Variants in FNBP1L observed in about 807,000 individuals in gnomAD.
FNBP1L encodes formin binding protein 1 like, also known as formin-binding protein 1-like.
Under a neutral mutation model 91.2 loss-of-function variants are expected in FNBP1L, and 36 were observed. The ratio of observed to expected loss-of-function variants is 0.39; its 90% CI spans 0.30 to 0.52. The LOEUF is 0.52. Among genes scored for constraint, FNBP1L ranks in the 20% least tolerant of loss-of-function variants. The probability of loss-of-function intolerance (pLI) is 0.66; values close to 1 mark genes in which losing one functional copy is unlikely to be tolerated. For missense variants in FNBP1L, 571 were observed against 732.1 expected (o/e 0.78, Z 2.54); for synonymous variants, 242 against 237.0 (o/e 1.02, Z -0.19).
intron 1 of FNBP1L, among the ~76,000 whole-genome samples, chr1:93,467,700 C>T (rs769512645): frequency 5.9e-5 from 9 of 152,062 alleles, no homozygotes; most frequent in Middle Eastern, 3.4e-3. Context: ...ATTTGAGGCC[C>T]GGAGTTTGAG....
At chr1:93,552,141 A>G in intron 16 of FNBP1L, 2 of 1,201,390 alleles carry the variant, frequency 1.7e-6, no homozygotes, top group Non-Finnish European at 2.1e-6. Flanking sequence ...AGTTTCAGCA[A>G]GCGTTGTTGG....
At chr1:93,460,758 C>T (rs1474625456) in intron 1 of FNBP1L, among the ~76,000 whole-genome samples, 4 of 152,238 alleles carry the variant, frequency 2.6e-5, no homozygotes, top group East Asian at 3.9e-4. Context: ...GCAAAATGGT[C>T]GTAACCAGAG....
chr1:93,454,870 AGGTTATGTG>A (rs1204307903), intron 1 of FNBP1L, among the ~76,000 whole-genome samples: 1 of 152,144 alleles, frequency 6.6e-6, no homozygotes, highest in Non-Finnish European at 1.5e-5. Context: ...CGATGTGTGT[AGGTTATGTG>A]GGTTATGTGC....
At chr1:93,516,941 GT>G (rs1671141928) in intron 2 of FNBP1L, among the ~76,000 whole-genome samples, 1 of 151,826 alleles carries the variant, frequency 6.6e-6, no homozygotes. Context: ...TTAGGTACCT[GT>G]TTTATTATCT....
At chr1:93,453,706 G>T (rs1668568024) in intron 1 of FNBP1L, among the ~76,000 whole-genome samples, 1 of 152,148 alleles carries the variant, frequency 6.6e-6, no homozygotes, top group South Asian at 2.1e-4. Flanking sequence ...GGTAGGAAAG[G>T]TTATGTAAAG....
In FNBP1L at chr1:93,529,648, A is replaced by G; in HGVS notation, c.406-4A>G. On this transcript the variant is annotated splice_polypyrimidine_tract_variant and splice_region_variant and intron_variant, in intron 5 of 16. Coordinates refer to ENST00000271234, the MANE Select transcript of FNBP1L (RefSeq NM_001164473.3). ...TCAGTGTGATATTTTAATTTTTTTA[A>G]CAGAGTAAAAAGAAGTTTGAAAGAG... 6.8e-7 allele frequency: 1 copy of G among 1,463,234 alleles called. No individual in the cohort carries two copies. Among genetic ancestry groups the G allele is most frequent in the South Asian group, 1.4e-5 (1 of 71,238 alleles). 90.6% of individuals were successfully genotyped at this position (1,463,234 alleles called of 1,614,324 possible). A position where few individuals can be genotyped will look rare whatever the true frequency, so the allele number is the denominator to read the frequency against.
At chr1:93,483,096 A>G (rs1669771257) in intron 1 of FNBP1L, among the ~76,000 whole-genome samples, 2 of 149,794 alleles carry the variant, frequency 1.3e-5, no homozygotes, top group Admixed American at 6.7e-5. Context: ...CTCAGGTGAG[A>G]GGACCACTTC....
chr1:93,460,736 C>T (rs919173368), intron 1 of FNBP1L, among the ~76,000 whole-genome samples: 2 of 152,172 alleles, frequency 1.3e-5, no homozygotes, highest in African/African-American at 4.8e-5. Context: ...AAGTTGAACT[C>T]ATAGGAACAG....
chr1:93,521,056 C>G (rs904853265), intron 2 of FNBP1L, among the ~76,000 whole-genome samples: 2 of 151,730 alleles, frequency 1.3e-5, no homozygotes, highest in African/African-American at 4.8e-5. Context: ...AACCAACCAA[C>G]CAACCAACCA....
Position 93,536,291 on chromosome 1 carries a change from C to A in FNBP1L, c.991-41C>A, listed in dbSNP as rs1030888944. On this transcript the variant is annotated intron_variant, in intron 9 of 16. Coordinates refer to ENST00000271234, the MANE Select transcript of FNBP1L (RefSeq NM_001164473.3). Reference sequence around the variant, plus strand: ...AATTTTCATTTAGGAGAAAACTATGCACATTTGGCTTATTGATTCCTTTCT... The same window carrying A: ...AATTTTCATTTAGGAGAAAACTATGAACATTTGGCTTATTGATTCCTTTCT... The A allele has an allele frequency of 6.7e-6, 9 of 1,339,448 alleles. No homozygotes were observed. The African/African-American group carries it at 1.4e-4, about 20-fold the overall frequency. 83.0% of individuals were successfully genotyped at this position (1,339,448 alleles called of 1,614,324 possible).
chr1:93,518,084 C>T (rs1671194260), intron 2 of FNBP1L, among the ~76,000 whole-genome samples: 1 of 152,128 alleles, frequency 6.6e-6, no homozygotes, highest in Non-Finnish European at 1.5e-5. Flanking sequence ...CTGTTATTGT[C>T]TTTACAAATG....
intron 3 of FNBP1L, among the ~76,000 whole-genome samples, chr1:93,522,600 T>C (rs1671366478): frequency 1.3e-5 from 2 of 152,056 alleles, no homozygotes; most frequent in South Asian, 4.1e-4. Context: ...AAGAGGAATA[T>C]GTGGATGACT....
At chr1:93,544,281 A>C in intron 12 of FNBP1L, 65 bp downstream of exon 12, 1 of 1,080,878 alleles carries the variant, frequency 9.3e-7, no homozygotes, top group Non-Finnish European at 1.4e-6. Context: ...GACGCCCTTA[A>C]ATGTGATATA....
intron 2 of FNBP1L, among the ~76,000 whole-genome samples, chr1:93,515,831 G>A (rs184178766): frequency 6.6e-6 from 1 of 151,970 alleles, no homozygotes; most frequent in African/African-American, 2.4e-5. Flanking sequence ...GAGTTAGTGA[G>A]TGCAGCCCAC....
chr1:93,530,739 A>T lies in FNBP1L; in HGVS notation c.511-16A>T. On this transcript the variant is annotated splice_polypyrimidine_tract_variant and intron_variant, in intron 6 of 16. Transcript: ENST00000271234. ...GATTTTGTTGTTGATAATAATTTCGACCATTTTGCCCCTAGGCCAAACAGC... is the reference window on the plus strand; with the variant it reads ...GATTTTGTTGTTGATAATAATTTCGTCCATTTTGCCCCTAGGCCAAACAGC... 1 of 1,592,352 alleles carries T rather than the reference A, an allele frequency of 6.3e-7. No homozygotes were observed.
intron 1 of FNBP1L, among the ~76,000 whole-genome samples, chr1:93,480,753 G>T (rs886639881): frequency 1.3e-5 from 2 of 151,940 alleles, no homozygotes; most frequent in Admixed American, 6.6e-5. Flanking sequence ...TAGTAGAGAC[G>T]GGGTTTCACC....
Position 93,552,427 on chromosome 1 carries a change from T to C in FNBP1L, c.*11T>C, listed in dbSNP as rs767756444. ...ACTGCAGGTTCCTGAAGAGGGTTTC[T>C]GAGGAAATGGGCAAGATGTTGAAGG... On this transcript the variant is annotated 3_prime_UTR_variant, in exon 17 of 17. Transcript: ENST00000271234. 3 of 1,612,630 alleles carry C rather than the reference T, an allele frequency of 1.9e-6. No individual in the cohort carries two copies. The highest frequency in any genetic ancestry group is 2.7e-5 in the African/African-American group (2 of 74,830).
At chr1:93,480,811 C>T (rs1403404435) in intron 1 of FNBP1L, among the ~76,000 whole-genome samples, 1 of 152,082 alleles carries the variant, frequency 6.6e-6, no homozygotes, top group South Asian at 2.1e-4. Flanking sequence ...ATCCGCCTGC[C>T]TCGGCCTCCC....
chr1:93,494,216 CAAAGGA>C (rs1399665639), intron 1 of FNBP1L, among the ~76,000 whole-genome samples: 1 of 152,094 alleles, frequency 6.6e-6, no homozygotes, highest in East Asian at 1.9e-4. Flanking sequence ...TGGTTTATTA[CAAAGGA>C]TATTATAAAG....
Sources: allele counts gnomAD v4.1 joint callset (sites outside exome capture counted in the v4.1 genomes callset), GRCh38; gene constraint gnomAD v4.1.1; transcripts MANE v1.5; gene names NCBI Gene and HGNC (gene_info 2026-07-23, HGNC 2026-07-21).